Variants in PCDHA3 observed in about 807,000 individuals in gnomAD.
PCDHA3 encodes protocadherin alpha-3.
In PCDHA3, 41 loss-of-function variants were observed where a neutral mutation model predicts 62.2. That is an observed-to-expected ratio of 0.66 (90% CI 0.51 to 0.86). The LOEUF is 0.86. Ranked by LOEUF, PCDHA3 falls within the 40% of genes least tolerant of loss-of-function variation. PCDHA3 has a pLI of 0.00. For missense variants in PCDHA3, 1,304 were observed against 1,241.2 expected (o/e 1.05, Z -0.76); for synonymous variants, 640 against 555.4 (o/e 1.15, Z -2.14).
intron 1 of PCDHA3, among the ~76,000 whole-genome samples, chr5:140,917,324 C>CGGGG (rs1299895515): frequency 3.9e-5 from 3 of 76,180 alleles, no homozygotes; most frequent in African/African-American, 8.6e-5. Context: ...GTTCATGTGG[C>CGGGG]GGGGGAGGGG....
At chr5:140,882,811 C>T in intron 1 of PCDHA3, 2 of 1,614,192 alleles carry the variant, frequency 1.2e-6, no homozygotes, top group Non-Finnish European at 8.5e-7. Flanking sequence ...TCACTTTGGA[C>T]GCACAAAACA....
chr5:140,930,567 C>T (rs1192022171), intron 1 of PCDHA3: 11 of 152,480 alleles, frequency 7.2e-5, no homozygotes, highest in African/African-American at 2.2e-4. Context: ...TGAAGCAATT[C>T]TACGGTATTA....
At chr5:140,843,414 T>C (rs2150359498) in intron 1 of PCDHA3, 4 of 1,596,080 alleles carry the variant, frequency 2.5e-6, no homozygotes, top group Non-Finnish European at 3.4e-6. Context: ...GATGTCAACG[T>C]GTACCTGATC....
At chr5:140,999,321 A>G (rs1043394227) in intron 3 of PCDHA3, among the ~76,000 whole-genome samples, 32 of 152,198 alleles carry the variant, frequency 2.1e-4, no homozygotes, top group Non-Finnish European at 3.2e-4. Context: ...ACAGACATTG[A>G]TCTGTGTGAT....
intron 1 of PCDHA3, among the ~76,000 whole-genome samples, chr5:140,940,230 TA>T (rs2153645241): frequency 6.6e-6 from 1 of 152,330 alleles, no homozygotes; most frequent in Non-Finnish European, 1.5e-5. Flanking sequence ...TTCATTTTGG[TA>T]CATTAAAGTT....
intron 1 of PCDHA3, among the ~76,000 whole-genome samples, chr5:140,934,289 T>C (rs1584800076): frequency 6.6e-6 from 1 of 152,138 alleles, no homozygotes; most frequent in East Asian, 1.9e-4. Flanking sequence ...AGGGCATTCT[T>C]ACTGGTATTT....
At chr5:140,900,477 A>G (rs2068076560) in intron 1 of PCDHA3, among the ~76,000 whole-genome samples, 1 of 152,290 alleles carries the variant, frequency 6.6e-6, no homozygotes, top group Non-Finnish European at 1.5e-5. Flanking sequence ...GAGTTTCTCC[A>G]TGTTGGTCAG....
intron 1 of PCDHA3, 146 bp from the exon 2 acceptor site, chr5:140,978,803 C>A: frequency 2.0e-6 from 3 of 1,485,240 alleles, no homozygotes; most frequent in Middle Eastern, 1.8e-4. Context: ...ATGTAGATAT[C>A]ATCATAGAGT....
chr5:140,933,677 T>A (rs1024721491), intron 1 of PCDHA3, among the ~76,000 whole-genome samples: 8 of 151,826 alleles, frequency 5.3e-5, no homozygotes, highest in African/African-American at 1.9e-4. Context: ...CTCTCTCACA[T>A]TTTTTTTCCT....
At chr5:140,921,428 T>G (rs1291283426) in intron 1 of PCDHA3, among the ~76,000 whole-genome samples, 1 of 152,190 alleles carries the variant, frequency 6.6e-6, no homozygotes, top group Non-Finnish European at 1.5e-5. Context: ...GACAAAAATT[T>G]TCTTCAATGG....
At chr5:140,831,431 C>A (rs1771526531) in intron 1 of PCDHA3, among the ~76,000 whole-genome samples, 1 of 151,698 alleles carries the variant, frequency 6.6e-6, no homozygotes, top group African/African-American at 2.4e-5. Flanking sequence ...GCAATAATGG[C>A]TCACTGCACC....
intron 1 of PCDHA3, chr5:140,804,946 T>A (rs1442293492): frequency 7.9e-6 from 10 of 1,271,424 alleles, no homozygotes; most frequent in African/African-American, 1.5e-5. Context: ...GTTGCTCCCT[T>A]GTCCATGAAG....
At chr5:140,822,099 C>A in intron 1 of PCDHA3, 1 of 1,614,206 alleles carries the variant, frequency 6.2e-7, no homozygotes, top group Non-Finnish European at 8.5e-7. Context: ...TGGAGGTGAT[C>A]GTGGACAGGC....
Position 140,803,245 on chromosome 5 carries a change from C to T in PCDHA3, c.2048C>T (p.Ser683Phe), listed in dbSNP as rs782357905. 11 of 1,613,726 alleles carry T rather than the reference C, an allele frequency of 6.8e-6. No homozygotes were observed. In the Admixed American group the frequency reaches 1.2e-4, roughly 17 times the overall value. ...GCACCCAAGGCCTCGTCCCAGGCGT[C>T]CGCTGGCGCCACGGGCCCGGAAGCT... ...GQAPKASSQA[S>F]AGATGPEAAL... Residue 683 changes from serine to phenylalanine, a missense_variant, in exon 1 of 4, where the codon TCC (serine) becomes TTC (phenylalanine). Physicochemically the swap from Ser to Phe is radical, Grantham distance 155. Coordinates refer to ENST00000522353, the MANE Select transcript of PCDHA3 (RefSeq NM_018906.3).
In PCDHA3 at chr5:140,855,439, C is replaced by A. The variant is rs190954774; in HGVS notation, c.2394+51848C>A. On this transcript the variant is annotated intron_variant, in intron 1 of 3. Coordinates refer to ENST00000522353, the MANE Select transcript of PCDHA3 (RefSeq NM_018906.3). ...CTCTAAATTCTAGTGATGACTAGAT[C>A]TTCGGAGTTATAAACACCTCACAGA... Among the ~76,000 whole-genome samples the A allele has an allele frequency of 4.7e-5, 7 of 149,934 alleles. 1 individual carries two copies. The Admixed American group carries it at 4.7e-4, about 10-fold the overall frequency.
intron 1 of PCDHA3, chr5:140,841,998 T>C (rs2150327142): frequency 6.2e-7 from 1 of 1,613,848 alleles, no homozygotes; most frequent in South Asian, 1.1e-5. Flanking sequence ...ACAGGCACTG[T>C]TCAGCTGCTG....
chr5:140,971,692 C>T (rs2096492766), intron 1 of PCDHA3, among the ~76,000 whole-genome samples: 1 of 152,116 alleles, frequency 6.6e-6, no homozygotes, highest in South Asian at 2.1e-4. Context: ...TTTGTACTCA[C>T]TAACCACCCT....
intron 1 of PCDHA3, among the ~76,000 whole-genome samples, chr5:140,837,701 TC>T (rs1775215037): frequency 6.6e-6 from 1 of 151,452 alleles, no homozygotes; most frequent in South Asian, 2.1e-4. Context: ...CAAGACACGC[TC>T]TCACTCCATC....
At chr5:140,856,691 G>A (rs2044151456) in intron 1 of PCDHA3, 1 of 1,596,420 alleles carries the variant, frequency 6.3e-7, no homozygotes, top group African/African-American at 1.3e-5. Context: ...GACAGCAACT[G>A]ATGGAGGCAA....
Sources: allele counts gnomAD v4.1 joint callset (sites outside exome capture counted in the v4.1 genomes callset), GRCh38; gene constraint gnomAD v4.1.1; transcripts MANE v1.5; gene names NCBI Gene and HGNC (gene_info 2026-07-23, HGNC 2026-07-21).